TASP1: variants seen among roughly 807,000 people sequenced by gnomAD.
TASP1 encodes the protein threonine aspartase 1.
In TASP1, 16 loss-of-function variants were observed where a neutral mutation model predicts 56.6. That is an observed-to-expected ratio of 0.28 (90% CI 0.19 to 0.43). The LOEUF is 0.43. Among genes scored for constraint, TASP1 ranks in the 20% least tolerant of loss-of-function variants. The pLI, the probability that TASP1 is intolerant of heterozygous loss-of-function variation, is 1.00. For synonymous variants in TASP1, 179 were observed against 184.2 expected (o/e 0.97, Z 0.23); for missense variants, 393 against 511.6 (o/e 0.77, Z 2.24).
the TASP1 span, among the ~76,000 whole-genome samples, chr20:13,370,050 T>A: frequency 6.6e-6 from 1 of 152,052 alleles, no homozygotes; most frequent in Non-Finnish European, 1.5e-5. Flanking sequence ...CAAATACTAC[T>A]CATACTGAGA....
chr20:13,320,006 G>A, the TASP1 span, among the ~76,000 whole-genome samples: 1 of 152,228 alleles, frequency 6.6e-6, no homozygotes, highest in Non-Finnish European at 1.5e-5. Flanking sequence ...TTGGGGGCTG[G>A]AGAGTCTGCA....
the TASP1 span, among the ~76,000 whole-genome samples, chr20:13,278,930 T>C: frequency 6.6e-6 from 1 of 152,210 alleles, no homozygotes. Flanking sequence ...TAAGCTTCCT[T>C]ACATAGCGGT....
At chr20:13,415,444 CTT>C (rs368921864) in intron 13 of TASP1, among the ~76,000 whole-genome samples, 108 of 133,026 alleles carry the variant, frequency 8.1e-4, no homozygotes, top group African/African-American at 2.8e-3. Context: ...TTGGGGTTTT[CTT>C]TTTTTTTTTT....
chr20:13,159,772 C>T, the TASP1 span, among the ~76,000 whole-genome samples: 1 of 152,030 alleles, frequency 6.6e-6, no homozygotes, highest in Non-Finnish European at 1.5e-5. Flanking sequence ...GTGTCAGACC[C>T]ATAATACCAC....
chr20:13,505,261 C>A (rs556543745), intron 10 of TASP1, among the ~76,000 whole-genome samples: 2 of 152,078 alleles, frequency 1.3e-5, no homozygotes, highest in African/African-American at 4.8e-5. Flanking sequence ...ATCAGAATAC[C>A]TAAACAAATA....
the TASP1 span, among the ~76,000 whole-genome samples, chr20:13,296,959 A>C: frequency 6.6e-6 from 1 of 152,118 alleles, no homozygotes; most frequent in Non-Finnish European, 1.5e-5. Context: ...CAGAGGTTGC[A>C]GTGAGCTGAG....
intron 8 of TASP1, among the ~76,000 whole-genome samples, chr20:13,543,659 A>C (rs1568564419): frequency 6.6e-6 from 1 of 152,040 alleles, no homozygotes; most frequent in East Asian, 1.9e-4. Flanking sequence ...GCGCCTTTCA[A>C]CCTCTAATAC....
At chr20:13,313,368 T>C in the TASP1 span, among the ~76,000 whole-genome samples, 1 of 152,250 alleles carries the variant, frequency 6.6e-6, no homozygotes, top group Non-Finnish European at 1.5e-5. Context: ...AGACTGTAGC[T>C]TACTCTTGTG....
chr20:13,122,548 C>T, the TASP1 span, among the ~76,000 whole-genome samples: 1 of 152,326 alleles, frequency 6.6e-6, no homozygotes, highest in Admixed American at 6.5e-5. Context: ...CCTTGTTCTA[C>T]CACCTTTTGG....
At chr20:13,466,216 T>C (rs1257862872) in intron 11 of TASP1, among the ~76,000 whole-genome samples, 12 of 152,144 alleles carry the variant, frequency 7.9e-5, no homozygotes, top group Non-Finnish European at 1.5e-4. Flanking sequence ...AACCTTCAAA[T>C]TGGAAACCTG....
chr20:13,488,895 T>A (rs919071728), intron 10 of TASP1, among the ~76,000 whole-genome samples: 4 of 152,076 alleles, frequency 2.6e-5, no homozygotes, highest in Non-Finnish European at 5.9e-5. Context: ...CTTAACTAAC[T>A]AAAATTCCAT....
At chr20:13,140,167 A>G in the TASP1 span, among the ~76,000 whole-genome samples, 1 of 152,248 alleles carries the variant, frequency 6.6e-6, no homozygotes, top group African/African-American at 2.4e-5. Context: ...ATAGTAGCAT[A>G]CAGACATTAA....
chr20:13,214,530 C>A, the TASP1 span, among the ~76,000 whole-genome samples: 1 of 70,648 alleles, frequency 1.4e-5, no homozygotes, highest in Non-Finnish European at 2.6e-5. Flanking sequence ...CACACACACA[C>A]ACACACACAC....
the TASP1 span, among the ~76,000 whole-genome samples, chr20:13,203,578 A>C: frequency 1.3e-5 from 2 of 152,234 alleles, no homozygotes; most frequent in African/African-American, 2.4e-5. Flanking sequence ...AAATTAATGG[A>C]TAAATTAATT....
the TASP1 span, among the ~76,000 whole-genome samples, chr20:13,126,285 T>G: frequency 6.6e-6 from 1 of 152,206 alleles, no homozygotes; most frequent in African/African-American, 2.4e-5. Flanking sequence ...TCACACATAG[T>G]AGGTACTCAA....
intron 11 of TASP1, among the ~76,000 whole-genome samples, chr20:13,471,853 C>T (rs1370677528): frequency 2.0e-5 from 3 of 152,212 alleles, no homozygotes; most frequent in Admixed American, 6.5e-5. Context: ...GAGGGAGAGC[C>T]AAAGCAGGGT....
the TASP1 span, among the ~76,000 whole-genome samples, chr20:13,196,568 A>G: frequency 6.6e-6 from 1 of 152,196 alleles, no homozygotes; most frequent in African/African-American, 2.4e-5. Context: ...AAGGATGTTC[A>G]GCACTTCATA....
At chr20:13,515,745 T>C (rs2044503887) in intron 10 of TASP1, among the ~76,000 whole-genome samples, 1 of 151,994 alleles carries the variant, frequency 6.6e-6, no homozygotes. Context: ...CGGAATTCCC[T>C]GGGCATCAAT....
chr20:13,235,592 G>T, the TASP1 span, among the ~76,000 whole-genome samples: 1 of 152,196 alleles, frequency 6.6e-6, no homozygotes. Flanking sequence ...GCTGGAGAAA[G>T]CTCTCACATG....
Sources: allele counts gnomAD v4.1 joint callset (sites outside exome capture counted in the v4.1 genomes callset), GRCh38; gene constraint gnomAD v4.1.1; transcripts MANE v1.5; gene names NCBI Gene and HGNC (gene_info 2026-07-23, HGNC 2026-07-21).